MAP3K6: variants seen among roughly 807,000 people sequenced by gnomAD.
The protein encoded by MAP3K6 is mitogen-activated protein kinase kinase kinase 6, also known as apoptosis signal-regulating kinase 2.
Under a neutral mutation model 147.1 loss-of-function variants are expected in MAP3K6, and 105 were observed. That is an observed-to-expected ratio of 0.71 (90% confidence interval 0.61 to 0.84). The LOEUF is 0.84. Ranked by LOEUF, MAP3K6 falls within the 40% of genes least tolerant of loss-of-function variation. MAP3K6 has a pLI of 0.00. For missense variants in MAP3K6, 1,569 were observed against 1,715.0 expected, an observed-to-expected ratio of 0.91 and a Z score of 1.50; for synonymous variants, 695 against 732.4, an observed-to-expected ratio of 0.95 and a Z score of 0.82.
Position 27,358,904 on chromosome 1 carries a change from T to C in MAP3K6, c.2426-38A>G. 1 of 1,534,940 alleles carries C rather than the reference T, an allele frequency of 6.5e-7. No individual in the cohort carries two copies. Among genetic ancestry groups the C allele is most frequent in the Non-Finnish European group, 8.8e-7 (1 of 1,141,074 alleles). On this transcript the variant is annotated intron_variant, in intron 18 of 28. Coordinates refer to ENST00000357582, the MANE Select transcript of MAP3K6 (RefSeq NM_004672.5). The surrounding 1 kb of genome is among the most constrained non-coding windows in gnomAD (Gnocchi z 6.2). ...CAGGAGCACCAATGCCCATCTAGGC[T>C]TCATCATGGGGTTGGAGCAGGGAGG...
chr1:27,363,846 C>A, intron 5 of MAP3K6, 71 bp downstream of exon 5: 7 of 1,426,642 alleles, frequency 4.9e-6, no homozygotes, highest in Non-Finnish European at 6.5e-6. Context: ...AGTGGCCCAG[C>A]CAGGAACTGA....
In MAP3K6 at chr1:27,362,834, C is replaced by G. The variant is rs2015829729; in HGVS notation, c.1142+17G>C. 6.2e-7 allele frequency: 1 copy of G among 1,613,288 alleles called. No individual in the cohort carries two copies. The highest frequency in any genetic ancestry group is 1.7e-5 in the Admixed American group (1 of 59,970). The stretch of plus-strand genomic sequence containing the variant: ...ATCTCACAGCTTAGCCCACCGGCCA[C>G]TCACTGTGCTCTTTACCAGTGATAG... On this transcript the variant is annotated intron_variant, in intron 7 of 28. Coordinates refer to ENST00000357582, the MANE Select transcript of MAP3K6 (RefSeq NM_004672.5).
In MAP3K6 at chr1:27,357,446, A is replaced by T. The variant is rs769761018; in HGVS notation, c.3212T>A (p.Leu1071His). ...CGGTCTGTGCAGAAGCGCAGGCCCAAGGCCCTGGGCCCTCAGCCGTCCTTG... is the reference window on the plus strand; with the variant it reads ...CGGTCTGTGCAGAAGCGCAGGCCCATGGCCCTGGGCCCTCAGCCGTCCTTG... Reference protein sequence around the residue: ...ALQGRLRAQGLGPALLHRPLF... With the variant: ...ALQGRLRAQGHGPALLHRPLF... The change falls in exon 23 of 29, where the codon CTT becomes CAT. Residue 1071 changes from leucine to histidine, a missense_variant. Physicochemically the swap from Leu to His is moderately conservative, Grantham distance 99. Transcript: ENST00000357582. 1.2e-6 allele frequency: 2 copies of T among 1,613,094 alleles called. No homozygotes were observed. The highest frequency in any genetic ancestry group is 2.2e-5 in the South Asian group (2 of 91,018).
In MAP3K6 at chr1:27,358,749, G is replaced by C; in HGVS notation, c.2543C>G (p.Pro848Arg). 1.9e-6 allele frequency: 3 copies of C among 1,613,994 alleles called. No individual in the cohort carries two copies. The highest frequency in any genetic ancestry group is 2.5e-6 in the Non-Finnish European group (3 of 1,179,984). The change falls in exon 19 of 29, where the codon CCC becomes CGC. Residue 848 changes from proline to arginine, a missense_variant. By Grantham distance (103) the Pro-to-Arg change is moderately radical. Transcript: ENST00000357582. The surrounding 1 kb of genome is among the most constrained non-coding windows in gnomAD (Gnocchi z 6.2). The stretch of plus-strand genomic sequence containing the variant: ...CTGTGGGCTCCCGAGCTCGTGGAAG[G>C]GGGGGCGACCTGTGGCCATCTCAAT... ...TVIEMATGRP[P>R]FHELGSPQAA...
In MAP3K6 at chr1:27,361,639, T is replaced by A; in HGVS notation, c.1579-12A>T. 1 of 1,614,136 alleles carries A rather than the reference T, an allele frequency of 6.2e-7. No homozygotes were observed. Among genetic ancestry groups the A allele is most frequent in the Non-Finnish European group, 8.5e-7 (1 of 1,180,030 alleles). On this transcript the variant is annotated splice_polypyrimidine_tract_variant and intron_variant, in intron 10 of 28. Transcript: ENST00000357582. ...TCCAGGACCAGCACCTGCAGGCAGT[T>A]GGGGAGTGGGGTCAGTCAGAAGGGG... is the stretch of plus-strand genomic sequence containing the variant.
Position 27,366,718 on chromosome 1 carries a change from G to A in MAP3K6, c.-121C>T, listed in dbSNP as rs142487137. ...GTTCGGAATCGGAGAATCTCCCACG[G>A]GATCTAGGGATCCGGAATACGGCCT... On this transcript the variant is annotated 5_prime_UTR_variant, in exon 1 of 29. Transcript: ENST00000357582. The surrounding 1 kb of genome is among the most constrained non-coding windows in gnomAD (Gnocchi z 5.5). 5,683 of 714,598 alleles carry A rather than the reference G, an allele frequency of 8.0e-3. 33 individuals carry two copies. Among genetic ancestry groups the A allele is most frequent in the Middle Eastern group, 0.014 (21 of 1,470 alleles). 44.3% of individuals were successfully genotyped at this position (714,598 alleles called of 1,614,324 possible).
intron 27 of MAP3K6, 31 bp from the exon 28 acceptor site, chr1:27,355,776 G>A: frequency 3.1e-6 from 5 of 1,599,580 alleles, no homozygotes; most frequent in Non-Finnish European, 4.3e-6. Context: ...GCAGAAAGAG[G>A]GAAATAAGAA....
In MAP3K6 at chr1:27,357,875, C is replaced by T. The variant is rs1310339880; in HGVS notation, c.2917G>A (p.Val973Met). 1.3e-6 allele frequency: 2 copies of T among 1,588,618 alleles called. No homozygotes were observed. Among genetic ancestry groups the T allele is most frequent in the Non-Finnish European group, 1.7e-6 (2 of 1,172,870 alleles). Residue 973 changes from valine (V) to methionine (M), a missense_variant and splice_region_variant, in exon 22 of 29, where the codon GTG becomes ATG. By Grantham distance (21) the Val-to-Met change is conservative. Transcript: ENST00000357582. ...TCCTCGGCCGCAGGCTCCTCGGGCA[C>T]CCTGGGCACAAGGGCGAGCTGCTGA... ...LSYGGTSQLR[V>M]PEEPAAEEPA...
At position 27,360,921 on chromosome 1, in the gene MAP3K6, C is replaced by A. The variant is rs369875096; in HGVS notation, c.1920G>T (p.Glu640Asp). The change falls in exon 14 of 29, where the codon GAG (glutamate) becomes GAT (aspartate). Residue 640 changes from glutamate (E) to aspartate (D), a missense_variant and splice_region_variant. Transcript: ENST00000357582. The surrounding 1 kb of genome is among the most constrained non-coding windows in gnomAD (Gnocchi z 4.5). ...CGAGCTCCCAGTCCCGCGTCCTCAC[C>A]TCCAACATCTCCCCCGCGCCCTCCG... ...EEAEGAGEML[E>D]FDYEYTETGE... is the part of the protein sequence containing the mutation. The A allele has an allele frequency of 2.5e-6, 4 of 1,608,608 alleles. No homozygotes were observed. The Middle Eastern group carries it at 6.6e-4, about 265-fold the overall frequency.
At position 27,359,891 on chromosome 1, in the gene MAP3K6, C is replaced by G; in HGVS notation, c.2286G>C (p.Leu762Phe). 6.2e-7 allele frequency: 1 copy of G among 1,614,152 alleles called. No individual in the cohort carries two copies. The highest frequency in any genetic ancestry group is 8.5e-7 in the Non-Finnish European group (1 of 1,180,014). The change falls in exon 17 of 29, where the codon TTG becomes TTC. Residue 762 changes from leucine to phenylalanine, a missense_variant. Physicochemically the swap from Leu to Phe is conservative, Grantham distance 22. Transcript: ENST00000357582. The surrounding 1 kb of genome is among the most constrained non-coding windows in gnomAD (Gnocchi z 4.4). ...TRQILQGLGY[L>F]HDNHIVHRDI... ...CCCTGTGCACGATGTGGTTGTCGTG[C>G]AAGTAGCCAAGTCCCTGCAGGATCT...
Position 27,357,424 on chromosome 1 carries a change from T to C in MAP3K6, c.3234A>G (p.Arg1078=), listed in dbSNP as rs144196715. 1 of 1,599,366 alleles carries C rather than the reference T, an allele frequency of 6.3e-7. No individual in the cohort carries two copies. Among genetic ancestry groups the C allele is most frequent in the Non-Finnish European group, 8.5e-7 (1 of 1,170,794 alleles). The change falls in exon 23 of 29, where the codon AGA becomes AGG. Residue 1078 remains arginine (R), a synonymous_variant. Transcript: ENST00000357582. ...CCGCATCCGGGAAGGCAAACAGCGGTCTGTGCAGAAGCGCAGGCCCAAGGC... is the reference window on the plus strand; with the variant it reads ...CCGCATCCGGGAAGGCAAACAGCGGCCTGTGCAGAAGCGCAGGCCCAAGGC... ...AQGLGPALLH[R]PLFAFPDAVK... is the part of the protein sequence containing the mutation.
chr1:27,361,102 C>T, intron 13 of MAP3K6, 55 bp downstream of exon 13: 7 of 1,544,562 alleles, frequency 4.5e-6, no homozygotes, highest in Non-Finnish European at 6.1e-6. Flanking sequence ...CTTTCCCCCA[C>T]TCCCCCCCGG....
chr1:27,365,081 T>G (rs187014283), intron 1 of MAP3K6, among the ~76,000 whole-genome samples, 169 bp from the exon 2 acceptor site: 45 of 152,322 alleles, frequency 3.0e-4, no homozygotes, highest in African/African-American at 1.0e-3. Context: ...TTCACAGAAC[T>G]GATCTCTGTA....
At position 27,355,276 on chromosome 1, in the gene MAP3K6, G is replaced by T. The variant is rs183348260; in HGVS notation, c.*115C>A. 1 of 973,352 alleles carries T rather than the reference G, an allele frequency of 1.0e-6. No individual in the cohort carries two copies. Among genetic ancestry groups the T allele is most frequent in the Non-Finnish European group, 1.7e-6 (1 of 597,706 alleles). The allele number at this position is 973,352 out of a possible 1,614,324, so 60.3% of individuals were successfully genotyped here. Reference sequence around the variant, plus strand: ...CTGGAACCAGTCCTGGGCCCCACTCGCCTGGCTTCCTCCAGTCGCCCCAGG... The same window carrying T: ...CTGGAACCAGTCCTGGGCCCCACTCTCCTGGCTTCCTCCAGTCGCCCCAGG... On this transcript the variant is annotated 3_prime_UTR_variant, in exon 29 of 29. Coordinates refer to ENST00000357582, the MANE Select transcript of MAP3K6 (RefSeq NM_004672.5).
Position 27,358,440 on chromosome 1 carries a change from G to T in MAP3K6, c.2755C>A (p.Arg919=), listed in dbSNP as rs758955466. 1.1e-5 allele frequency: 18 copies of T among 1,594,404 alleles called. No individual in the cohort carries two copies. The highest frequency in any genetic ancestry group is 1.5e-5 in the Non-Finnish European group (18 of 1,174,128). The change falls in exon 20 of 29, where the codon CGA becomes AGA. Residue 919 remains arginine (R), a synonymous_variant. Coordinates refer to ENST00000357582, the MANE Select transcript of MAP3K6 (RefSeq NM_004672.5). The surrounding 1 kb of genome is among the most constrained non-coding windows in gnomAD (Gnocchi z 6.2). ...GCACCTGAGGGCCGTGGAGCATGTC[G>T]TGGGGAGCTGGGGCTGCGGCTCCTT... The part of the protein sequence containing the change: ...GKRSRSPSSP[R]HAPRPSDAPS...
intron 26 of MAP3K6, 25 bp downstream of exon 26, chr1:27,356,363 T>C (rs200341719): frequency 1.3e-6 from 2 of 1,574,264 alleles, no homozygotes; most frequent in East Asian, 4.5e-5. Context: ...CCACCAATAA[T>C]GTTCTCCAGC....
In MAP3K6 at chr1:27,360,805, G is replaced by C. The variant is rs1212159343; in HGVS notation, c.1954C>G (p.Leu652Val). 1 of 1,612,792 alleles carries C rather than the reference G, an allele frequency of 6.2e-7. No individual in the cohort carries two copies. Among genetic ancestry groups the C allele is most frequent in the Non-Finnish European group, 8.5e-7 (1 of 1,179,890 alleles). The stretch of plus-strand genomic sequence containing the variant: ...CCATACGTGCCCTTGCCCAGCACCA[G>C]CCGCTCGCCCGTCTCCGTGTACTCA... ...DYEYTETGER[L>V]VLGKGTYGVV... is the part of the protein sequence containing the mutation. The change falls in exon 15 of 29, where the codon CTG becomes GTG. Residue 652 changes from leucine to valine, a missense_variant. Physicochemically the swap from Leu to Val is conservative, Grantham distance 32 (BLOSUM62 1). Transcript: ENST00000357582. The surrounding 1 kb of genome is among the most constrained non-coding windows in gnomAD (Gnocchi z 4.5).
At chr1:27,355,584 T>C in intron 28 of MAP3K6, 85 bp downstream of exon 28, 1 of 1,588,316 alleles carries the variant, frequency 6.3e-7, no homozygotes, top group Non-Finnish European at 8.6e-7. Flanking sequence ...GCCCCTTTGG[T>C]TTCCAGGAAG....
rs560315809 is a variant in MAP3K6 at position 27,363,493 on chromosome 1, T to C, written c.920A>G (p.Asp307Gly). ...VETLQALPTC[D>G]VAEQHNVCFH... ...GCAGACATTATGCTGCTCGGCCACATCACAGGTGGGCAAGGCCTGCAGCGT... is the reference window on the plus strand; with the variant it reads ...GCAGACATTATGCTGCTCGGCCACACCACAGGTGGGCAAGGCCTGCAGCGT... The change falls in exon 6 of 29, where the codon GAT (aspartate) becomes GGT (glycine). Residue 307 changes from aspartate (D) to glycine (G), a missense_variant. Physicochemically the swap from Asp to Gly is moderately conservative, Grantham distance 94. Coordinates refer to ENST00000357582, the MANE Select transcript of MAP3K6 (RefSeq NM_004672.5). The C allele has an allele frequency of 1.4e-5, 23 of 1,613,812 alleles. No individual in the cohort carries two copies. The African/African-American group carries it at 2.5e-4, about 18-fold the overall frequency.
Sources: allele counts gnomAD v4.1 joint callset (sites outside exome capture counted in the v4.1 genomes callset), GRCh38; gene constraint gnomAD v4.1.1; non-coding constraint Gnocchi (gnomAD v3.1); transcripts MANE v1.5; gene names NCBI Gene and HGNC (gene_info 2026-07-23, HGNC 2026-07-21).